Variants in SGCG observed in about 807,000 individuals in gnomAD.
The protein encoded by SGCG is sarcoglycan gamma, also known as gamma-sarcoglycan.
In SGCG, 26 loss-of-function variants were observed where a neutral mutation model predicts 29.3. That is an observed-to-expected ratio of 0.89 (90% confidence interval 0.65 to 1.23). The LOEUF (loss-of-function observed/expected upper bound fraction) is 1.23, where lower values mean the gene tolerates loss of function less well. Ranked by LOEUF, SGCG falls within the 50% of genes most tolerant of loss-of-function variation. The pLI is 0.00. For missense variants in SGCG, 353 were observed against 356.0 expected, an observed-to-expected ratio of 0.99 and a Z score of 0.07; for synonymous variants, 145 against 129.7, an observed-to-expected ratio of 1.12 and a Z score of -0.80.
intron 4 of SGCG, among the ~76,000 whole-genome samples, chr13:23,272,695 T>A (rs1416220506): frequency 6.6e-6 from 1 of 152,202 alleles, no homozygotes; most frequent in Non-Finnish European, 1.5e-5. Flanking sequence ...ATTGTGACTA[T>A]CCAGCTTTTG....
chr13:23,211,842 A>G (rs1365603531), intron 2 of SGCG, among the ~76,000 whole-genome samples: 2 of 152,082 alleles, frequency 1.3e-5, no homozygotes, highest in Non-Finnish European at 2.9e-5. Flanking sequence ...CCAGGCACAC[A>G]CGTACAGTCA....
At chr13:23,230,968 C>G (rs1197491938) in intron 2 of SGCG, among the ~76,000 whole-genome samples, 1 of 152,102 alleles carries the variant, frequency 6.6e-6, no homozygotes. Context: ...TCCTTCAATA[C>G]TTAGTTTATT....
the SGCG span, among the ~76,000 whole-genome samples, chr13:23,164,414 A>G: frequency 1.1e-4 from 16 of 152,272 alleles, no homozygotes; most frequent in South Asian, 4.1e-4. Context: ...ACACTCTGCA[A>G]TTAGGACCTC....
intron 5 of SGCG, 25 bp from the exon 6 acceptor site, chr13:23,295,390 T>G (rs1881863094): frequency 3.2e-6 from 5 of 1,561,722 alleles, no homozygotes; most frequent in Middle Eastern, 1.7e-4. Flanking sequence ...CTTCTGCTCC[T>G]GATACATCTT....
upstream of SGCG, among the ~76,000 whole-genome samples, chr13:23,177,625 G>A (rs1235862260): frequency 1.4e-5 from 2 of 139,628 alleles, no homozygotes; most frequent in African/African-American, 5.5e-5. Flanking sequence ...AGGCTGGAGT[G>A]CAGTGGTGTG....
At chr13:23,287,572 A>G (rs1881539936) in intron 5 of SGCG, among the ~76,000 whole-genome samples, 1 of 152,226 alleles carries the variant, frequency 6.6e-6, no homozygotes, top group African/African-American at 2.4e-5. Context: ...ACACATGAGG[A>G]TCGTTTTAAG....
At chr13:23,323,539 G>A (rs1883123981) in intron 7 of SGCG, among the ~76,000 whole-genome samples, 1 of 152,222 alleles carries the variant, frequency 6.6e-6, no homozygotes, top group East Asian at 1.9e-4. Context: ...GAGTGCCCTG[G>A]AGTGGGCAAC....
chr13:23,252,746 T>A (rs566800169), intron 4 of SGCG, among the ~76,000 whole-genome samples: 2 of 152,144 alleles, frequency 1.3e-5, no homozygotes, highest in South Asian at 4.2e-4. Flanking sequence ...AAGTACACAT[T>A]CCTCTGTTTA....
At chr13:23,274,224 C>G (rs551662394) in intron 4 of SGCG, among the ~76,000 whole-genome samples, 2 of 152,106 alleles carry the variant, frequency 1.3e-5, no homozygotes, top group South Asian at 4.1e-4. Context: ...CCTTAAGTGG[C>G]TTCTCACTAA....
At chr13:23,178,515 A>G (rs1176388141), upstream of SGCG, among the ~76,000 whole-genome samples, 1 of 152,254 alleles carries the variant, frequency 6.6e-6, no homozygotes, top group Non-Finnish European at 1.5e-5. Flanking sequence ...ACAGTAATCC[A>G]TGACTGCAGT....
chr13:23,297,128 A>G (rs1881936558), intron 6 of SGCG, among the ~76,000 whole-genome samples: 3 of 152,160 alleles, frequency 2.0e-5, no homozygotes, highest in Admixed American at 6.5e-5. Flanking sequence ...ATTAAACATT[A>G]CTGATAGTAA....
intron 3 of SGCG, chr13:23,245,716 G>A (rs945248366): frequency 1.2e-4 from 18 of 152,226 alleles, no homozygotes; most frequent in African/African-American, 3.6e-4. Flanking sequence ...ATCCAAAAGC[G>A]ACTTAGCAAC....
chr13:23,209,047 G>T (rs1878093439), intron 2 of SGCG, among the ~76,000 whole-genome samples: 1 of 152,046 alleles, frequency 6.6e-6, no homozygotes. Flanking sequence ...AAGGTAAGAT[G>T]AATGATTCTA....
chr13:23,256,158 C>T (rs1461092845), intron 4 of SGCG, among the ~76,000 whole-genome samples: 1 of 151,912 alleles, frequency 6.6e-6, no homozygotes, highest in Non-Finnish European at 1.5e-5. Flanking sequence ...AAAATAAATG[C>T]AAAATTAATT....
At chr13:23,185,250 G>A (rs936311730) in intron 1 of SGCG, among the ~76,000 whole-genome samples, 11 of 152,172 alleles carry the variant, frequency 7.2e-5, no homozygotes, top group African/African-American at 2.7e-4. Flanking sequence ...GGAGTGCAAT[G>A]GTGCGATCTT....
intron 2 of SGCG, among the ~76,000 whole-genome samples, chr13:23,206,169 C>T (rs1224012106): frequency 1.3e-5 from 2 of 152,076 alleles, no homozygotes; most frequent in Non-Finnish European, 1.5e-5. Context: ...AATTTTATTT[C>T]AAGAACAATT....
intron 1 of SGCG, among the ~76,000 whole-genome samples, chr13:23,199,107 CAA>C (rs35004017): frequency 3.8e-4 from 52 of 137,634 alleles, no homozygotes; most frequent in Admixed American, 5.8e-4. Flanking sequence ...GACTCCGTCT[CAA>C]AAAAAAAAAA....
chr13:23,321,480 A>T (rs899681374), intron 7 of SGCG, among the ~76,000 whole-genome samples: 3 of 152,220 alleles, frequency 2.0e-5, no homozygotes, highest in Admixed American at 6.5e-5. Flanking sequence ...GCTAGCATCA[A>T]TGCTCTTGTG....
rs7987590 is a variant in SGCG, at chr13:23,294,317, A to G, written c.506-1098A>G. Among the ~76,000 whole-genome samples the G allele has an allele frequency of 8.8e-3, 1,337 of 152,306 alleles. 19 individuals are homozygous for G. The highest frequency in any genetic ancestry group is 0.031 in the African/African-American group (1,277 of 41,566). On this transcript the variant is annotated intron_variant, in intron 5 of 7. Transcript: ENST00000218867. ...TGTGAATATGCCCATAAAATTCAAG[A>G]GGATATAGATTTAAATATAATGTGA...
Sources: allele counts gnomAD v4.1 joint callset (sites outside exome capture counted in the v4.1 genomes callset), GRCh38; gene constraint gnomAD v4.1.1; transcripts MANE v1.5; gene names NCBI Gene and HGNC (gene_info 2026-07-23, HGNC 2026-07-21).